Variants in WIF1 observed in about 807,000 individuals in gnomAD.
WIF1 encodes Wnt inhibitory factor 1.
Under a neutral mutation model 53.5 loss-of-function variants are expected in WIF1, and 35 were observed. The observed-to-expected ratio is 0.65, with a 90% CI of 0.50 to 0.87. The LOEUF (loss-of-function observed/expected upper bound fraction) is 0.87. Among genes scored for constraint, WIF1 ranks in the 40% least tolerant of loss-of-function variants. The pLI is 0.00. For synonymous variants in WIF1, 171 were observed against 170.4 expected (o/e 1.00, Z -0.03); for missense variants, 467 against 476.8 (o/e 0.98, Z 0.19).
chr12:65,057,876 A>G (rs1882552916), intron 7 of WIF1, among the ~76,000 whole-genome samples: 1 of 152,170 alleles, frequency 6.6e-6, no homozygotes, highest in South Asian at 2.1e-4. Context: ...CTTTTTATTT[A>G]CCTAAAAGGA....
intron 2 of WIF1, among the ~76,000 whole-genome samples, chr12:65,102,460 C>G (rs1883296516): frequency 6.6e-6 from 1 of 152,132 alleles, no homozygotes; most frequent in Non-Finnish European, 1.5e-5. Context: ...TCTACTCAGG[C>G]CTTCAACTGA....
intron 3 of WIF1, among the ~76,000 whole-genome samples, chr12:65,076,774 A>T (rs1332918521): frequency 6.6e-6 from 1 of 152,188 alleles, no homozygotes; most frequent in Admixed American, 6.5e-5. Flanking sequence ...TAATTAACAA[A>T]TAAGGGAATG....
intron 4 of WIF1, 81 bp from the exon 5 acceptor site, chr12:65,067,871 G>A (rs1592390090): frequency 6.0e-6 from 7 of 1,159,802 alleles, no homozygotes; most frequent in East Asian, 2.5e-5. Flanking sequence ...AGACAGTAGT[G>A]TTCATTTCTG....
intron 3 of WIF1, among the ~76,000 whole-genome samples, chr12:65,072,779 G>A (rs1882803893): frequency 2.0e-5 from 3 of 152,136 alleles, no homozygotes; most frequent in Admixed American, 1.3e-4. Flanking sequence ...TAAGAGGAAT[G>A]TGAAAGTCAT....
chr12:65,052,939 G>C (rs1882463472), intron 9 of WIF1, among the ~76,000 whole-genome samples: 1 of 152,178 alleles, frequency 6.6e-6, no homozygotes. Flanking sequence ...ACTGGGATCT[G>C]GATGTGAGTC....
At chr12:65,079,580 C>T (rs1212851689) in intron 2 of WIF1, among the ~76,000 whole-genome samples, 5 of 146,998 alleles carry the variant, frequency 3.4e-5, no homozygotes, top group Admixed American at 2.7e-4. Flanking sequence ...GAGCTGAGAA[C>T]ATGCCACTGC....
intron 3 of WIF1, among the ~76,000 whole-genome samples, chr12:65,070,525 T>C (rs1882757153): frequency 6.6e-6 from 1 of 152,174 alleles, no homozygotes; most frequent in South Asian, 2.1e-4. Context: ...TGTTCAATTA[T>C]AAAACTTTAC....
intron 3 of WIF1, among the ~76,000 whole-genome samples, chr12:65,075,692 A>C (rs1882850728): frequency 6.6e-6 from 1 of 152,228 alleles, no homozygotes; most frequent in African/African-American, 2.4e-5. Context: ...GTTATAACTT[A>C]ACTGCTCTCT....
At chr12:65,100,761 C>T (rs1228088701) in intron 2 of WIF1, among the ~76,000 whole-genome samples, 2 of 152,060 alleles carry the variant, frequency 1.3e-5, no homozygotes, top group African/African-American at 4.8e-5. Context: ...TGGCTCACAC[C>T]TGTAATCCCA....
intron 2 of WIF1, among the ~76,000 whole-genome samples, chr12:65,083,500 C>T (rs183382620): frequency 1.3e-5 from 2 of 152,288 alleles, no homozygotes; most frequent in East Asian, 3.9e-4. Context: ...TGCATTTCCT[C>T]ATTAACTCTC....
At chr12:65,098,877 A>G (rs1198399648) in intron 2 of WIF1, among the ~76,000 whole-genome samples, 1 of 152,182 alleles carries the variant, frequency 6.6e-6, no homozygotes, top group African/African-American at 2.4e-5. Context: ...CCCTCTGGGA[A>G]GTCAGTCATC....
chr12:65,059,500 G>A (rs1038210736), intron 7 of WIF1, among the ~76,000 whole-genome samples: 2 of 152,128 alleles, frequency 1.3e-5, no homozygotes, highest in Admixed American at 1.3e-4. Context: ...TTAACTGAAG[G>A]TTCATTAAAG....
At chr12:65,074,815 C>CT (rs1368898269) in intron 3 of WIF1, among the ~76,000 whole-genome samples, 1 of 4,710 alleles carries the variant, frequency 2.1e-4, no homozygotes, top group African/African-American at 4.3e-4. Context: ...GACACTCTGT[C>CT]TCAAAAAAAA....
At chr12:65,087,516 T>G (rs1037061401) in intron 2 of WIF1, among the ~76,000 whole-genome samples, 5 of 152,192 alleles carry the variant, frequency 3.3e-5, no homozygotes, top group African/African-American at 1.2e-4. Context: ...CCAAAATATT[T>G]AAAATTAGGT....
At position 65,068,648 on chromosome 12, in the gene WIF1, C is replaced by CGTGTGTGTGTGT. The variant is rs1565750846; in HGVS notation, c.538+115_538+116insACACACACACAC. 2.3e-5 allele frequency: 25 copies of CGTGTGTGTGTGT among 1,103,252 alleles called. No individual in the cohort carries two copies. The African/African-American group carries it at 6.6e-4, about 29-fold the overall frequency. The allele number at this position is 1,103,252 out of a possible 1,614,324, so 68.3% of individuals were successfully genotyped here. ...GTTATAGAGCCATCATCCAAAAAACCATGTGTGTGTGTGTGTGTGTGTGTG... is the reference window on the plus strand; with the variant it reads ...GTTATAGAGCCATCATCCAAAAAACCGTGTGTGTGTGTATGTGTGTGTGTGTGTGTGTGTGTG... On this transcript the variant is annotated intron_variant, in intron 4 of 9. Transcript: ENST00000286574.
intron 2 of WIF1, among the ~76,000 whole-genome samples, chr12:65,085,289 T>G (rs1278616433): frequency 6.6e-6 from 1 of 152,192 alleles, no homozygotes; most frequent in Non-Finnish European, 1.5e-5. Context: ...TAAGATATCT[T>G]GGGGATGGGA....
chr12:65,106,148 G>A (rs982297418), intron 2 of WIF1, among the ~76,000 whole-genome samples: 70 of 152,160 alleles, frequency 4.6e-4, no homozygotes, highest in African/African-American at 1.5e-3. Context: ...CTTTGCAAGG[G>A]AAAAAGTATG....
At chr12:65,110,509 C>T (rs1883414934) in intron 2 of WIF1, among the ~76,000 whole-genome samples, 2 of 152,178 alleles carry the variant, frequency 1.3e-5, no homozygotes, top group Non-Finnish European at 1.5e-5. Flanking sequence ...CTCTGTGCTC[C>T]TAGAGCTCTG....
At chr12:65,052,525 A>G (rs1231355076) in intron 9 of WIF1, among the ~76,000 whole-genome samples, 1 of 152,152 alleles carries the variant, frequency 6.6e-6, no homozygotes, top group Non-Finnish European at 1.5e-5. Context: ...GGAACTCCCA[A>G]CGTGTCATCC....
Sources: allele counts gnomAD v4.1 joint callset (sites outside exome capture counted in the v4.1 genomes callset), GRCh38; gene constraint gnomAD v4.1.1; transcripts MANE v1.5; gene names NCBI Gene and HGNC (gene_info 2026-07-23, HGNC 2026-07-21).